The following KIAA1217 variants were observed in gnomAD, a reference collection of about 807,000 sequenced individuals.
KIAA1217 encodes the protein sickle tail protein homolog.
In KIAA1217, 88 loss-of-function variants were observed where a neutral mutation model predicts 163.9. That is an observed-to-expected ratio of 0.54 (90% CI 0.45 to 0.64). The LOEUF (loss-of-function observed/expected upper bound fraction) is 0.64, where lower values mean the gene tolerates loss of function less well. Among genes scored for constraint, KIAA1217 ranks in the 30% least tolerant of loss-of-function variants. The pLI, the probability that KIAA1217 is intolerant of heterozygous loss-of-function variation, is 0.00. For synonymous variants in KIAA1217, 903 were observed against 923.1 expected (o/e 0.98, Z 0.39); for missense variants, 2,372 against 2,475.0 (o/e 0.96, Z 0.88).
chr10:23,786,275 A>G (rs975166371), intron 1 of KIAA1217, among the ~76,000 whole-genome samples: 1 of 151,934 alleles, frequency 6.6e-6, no homozygotes, highest in African/African-American at 2.4e-5. Flanking sequence ...GTTAATATGG[A>G]TAAGGGGGAG....
rs544291256 is a variant in KIAA1217, at chr10:24,149,575, G to GA, written c.-170-70042dup. On this transcript the variant is annotated intron_variant, in intron 2 of 18. Coordinates refer to the KIAA1217 transcript ENST00000376462. ...GTGCATCTGAAGTGGCTAGAAATAA[G>GA]AAAAAAAAATAAACAAATTTTTATT... Among the ~76,000 whole-genome samples the GA allele has an allele frequency of 2.7e-4, 40 of 147,860 alleles. No individual in the cohort carries two copies. In the South Asian group the frequency reaches 4.1e-3, roughly 15 times the overall value.
chr10:23,922,124 G>C (rs1031673418), intron 1 of KIAA1217, among the ~76,000 whole-genome samples: 10 of 151,888 alleles, frequency 6.6e-5, no homozygotes, highest in Admixed American at 5.3e-4. Context: ...ACTACATAAT[G>C]CAACCTCTGG....
chr10:23,944,379 G>T (rs1045203801), intron 1 of KIAA1217, among the ~76,000 whole-genome samples: 5 of 151,982 alleles, frequency 3.3e-5, no homozygotes, highest in African/African-American at 1.2e-4. Flanking sequence ...GAGCGAGATG[G>T]CACCACTGCA....
chr10:23,992,660 C>T (rs1378758297), intron 1 of KIAA1217, among the ~76,000 whole-genome samples: 3 of 147,216 alleles, frequency 2.0e-5, no homozygotes, highest in African/African-American at 7.8e-5. Context: ...AGGAACGCAT[C>T]CCAGCCAAAG....
At chr10:24,239,720 C>A (rs189687935) in intron 2 of KIAA1217, among the ~76,000 whole-genome samples, 1 of 147,058 alleles carries the variant, frequency 6.8e-6, no homozygotes, top group African/African-American at 2.6e-5. Context: ...TGTGTGTGTT[C>A]TTTTACTCTT....
At chr10:24,073,852 G>T (rs1000211124) in intron 2 of KIAA1217, among the ~76,000 whole-genome samples, 2 of 152,188 alleles carry the variant, frequency 1.3e-5, no homozygotes, top group African/African-American at 4.8e-5. Flanking sequence ...AAGTAGGTAG[G>T]TTCCCAGTGG....
At chr10:24,204,218 T>G (rs1179222233), upstream of KIAA1217, among the ~76,000 whole-genome samples, 2 of 152,172 alleles carry the variant, frequency 1.3e-5, no homozygotes, top group African/African-American at 4.8e-5. Flanking sequence ...CCTCACTTAT[T>G]GTCTGGCAGG....
Position 24,521,846 on chromosome 10 carries a change from G to C in KIAA1217, c.2373G>C (p.Arg791=), listed in dbSNP as rs2071340657. ...AILRIEVEAV[R]FLKEEPHKLD... ...TGCGCATAGAAGTGGAGGCCGTGCG[G>C]TTTCTGAAGGAGGAGCCACACAAGC... is the stretch of plus-strand genomic sequence containing the variant. The change falls in exon 12 of 21, where the codon CGG becomes CGC. Residue 791 remains arginine (R), a synonymous_variant. Coordinates refer to ENST00000376454, the MANE Select transcript of KIAA1217 (RefSeq NM_019590.5). The C allele has an allele frequency of 1.9e-6, 3 of 1,613,792 alleles. No individual in the cohort carries two copies. The highest frequency in any genetic ancestry group is 2.5e-6 in the Non-Finnish European group (3 of 1,180,042).
At chr10:24,255,280 G>T in intron 2 of KIAA1217, 1 of 284,118 alleles carries the variant, frequency 3.5e-6, no homozygotes, top group Admixed American at 5.0e-5. Flanking sequence ...CCCCACCCAG[G>T]TGGCATTTGC....
intron 1 of KIAA1217, among the ~76,000 whole-genome samples, chr10:23,723,994 T>A (rs1838002171): frequency 6.6e-6 from 1 of 152,138 alleles, no homozygotes; most frequent in Non-Finnish European, 1.5e-5. Context: ...GGAGCAGGCA[T>A]CTTACATGAC....
intron 1 of KIAA1217, among the ~76,000 whole-genome samples, chr10:23,895,077 A>G (rs916856057): frequency 2.0e-5 from 3 of 152,174 alleles, no homozygotes; most frequent in Non-Finnish European, 4.4e-5. Context: ...GGACATAGGC[A>G]TGGGCAAGGA....
At chr10:23,895,646 A>C (rs1448935071) in intron 1 of KIAA1217, among the ~76,000 whole-genome samples, 3 of 152,142 alleles carry the variant, frequency 2.0e-5, no homozygotes, top group Admixed American at 2.0e-4. Flanking sequence ...TACTGGGTAT[A>C]TACCCAAAGG....
intron 6 of KIAA1217, chr10:24,481,056 T>A (rs1592273303): frequency 6.6e-6 from 1 of 152,124 alleles, no homozygotes; most frequent in Non-Finnish European, 1.5e-5. Flanking sequence ...TGCCTAATAG[T>A]GCTTGACTGA....
At chr10:23,992,930 T>C (rs1388404668) in intron 1 of KIAA1217, among the ~76,000 whole-genome samples, 2 of 151,644 alleles carry the variant, frequency 1.3e-5, no homozygotes, top group Non-Finnish European at 2.9e-5. Flanking sequence ...GAATAAGTGA[T>C]ACCACCGCCA....
chr10:24,527,981 T>C lies in KIAA1217; in HGVS notation c.2944T>C (p.Tyr982His). The C allele has an allele frequency of 3.7e-6, 6 of 1,614,126 alleles. No individual in the cohort carries two copies. The highest frequency in any genetic ancestry group is 5.1e-6 in the Non-Finnish European group (6 of 1,180,016). ...GGAAAAAAGGCAAAATCTGGATCAC[T>C]ATAATGGGAAAGAGTTTGAGAAGCT... Reference protein sequence around the residue: ...WEEKRQNLDHYNGKEFEKLLE... With the variant: ...WEEKRQNLDHHNGKEFEKLLE... Residue 982 changes from tyrosine (Y) to histidine (H), a missense_variant, in exon 14 of 21, where the codon TAT becomes CAT. Coordinates refer to ENST00000376454, the MANE Select transcript of KIAA1217 (RefSeq NM_019590.5).
intron 1 of KIAA1217, among the ~76,000 whole-genome samples, chr10:23,727,781 T>A (rs1299495240): frequency 6.6e-6 from 1 of 152,160 alleles, no homozygotes; most frequent in African/African-American, 2.4e-5. Context: ...TTTCTCCTGA[T>A]GCTATCCCTC....
chr10:23,975,696 C>T (rs1845510789), intron 1 of KIAA1217, among the ~76,000 whole-genome samples: 1 of 152,144 alleles, frequency 6.6e-6, no homozygotes, highest in Non-Finnish European at 1.5e-5. Flanking sequence ...ATTGATTATA[C>T]TCAGAGCCTC....
intron 1 of KIAA1217, among the ~76,000 whole-genome samples, chr10:23,985,508 C>CCTAACATA (rs1845935120): frequency 6.6e-6 from 1 of 152,156 alleles, no homozygotes; most frequent in African/African-American, 2.4e-5. Context: ...TTGACAATTA[C>CCTAACATA]CTAACATAGG....
chr10:23,878,497 G>C (rs977391800), intron 1 of KIAA1217, among the ~76,000 whole-genome samples: 4 of 151,840 alleles, frequency 2.6e-5, no homozygotes, highest in African/African-American at 9.7e-5. Context: ...ATTTCAGATG[G>C]GAAGCCCTCT....
Sources: allele counts gnomAD v4.1 joint callset (sites outside exome capture counted in the v4.1 genomes callset), GRCh38; gene constraint gnomAD v4.1.1; transcripts MANE v1.5; gene names NCBI Gene and HGNC (gene_info 2026-07-23, HGNC 2026-07-21).